TBC1D1: variants seen among roughly 807,000 people sequenced by gnomAD.
TBC1D1 encodes TBC1 (tre-2/USP6, BUB2, cdc16) domain family, member 1.
Under a neutral mutation model 125.6 loss-of-function variants are expected in TBC1D1, and 89 were observed. The ratio of observed to expected loss-of-function variants is 0.71; its 90% CI spans 0.60 to 0.85. The LOEUF is 0.85. TBC1D1 is among the 40% of genes least tolerant of loss of function. The pLI is 0.00. For synonymous variants in TBC1D1, 565 were observed against 564.1 expected (o/e 1.00, Z -0.02); for missense variants, 1,377 against 1,469.2 (o/e 0.94, Z 1.03).
intron 12 of TBC1D1, among the ~76,000 whole-genome samples, chr4:38,070,687 A>G (rs1294520692): frequency 6.6e-6 from 1 of 152,230 alleles, no homozygotes; most frequent in Non-Finnish European, 1.5e-5. Context: ...AAAAAAACAT[A>G]CACATGGAGA....
chr4:38,001,228 A>T (rs577373886), intron 2 of TBC1D1, among the ~76,000 whole-genome samples: 1 of 144,900 alleles, frequency 6.9e-6, no homozygotes, highest in South Asian at 2.1e-4. Flanking sequence ...TCAAAAAAAG[A>T]AAGAAAGAAA....
At chr4:37,920,053 C>G (rs1720612342) in intron 2 of TBC1D1, among the ~76,000 whole-genome samples, 1 of 152,174 alleles carries the variant, frequency 6.6e-6, no homozygotes, top group Non-Finnish European at 1.5e-5. Flanking sequence ...GCGGAGCTTG[C>G]AGTGAGCCGA....
chr4:37,935,880 CT>C (rs1724290452), intron 2 of TBC1D1, among the ~76,000 whole-genome samples: 1 of 152,208 alleles, frequency 6.6e-6, no homozygotes, highest in South Asian at 2.1e-4. Flanking sequence ...CATGTTCTGT[CT>C]TACTTCTAGA....
At chr4:37,960,738 A>G (rs373204780) in intron 2 of TBC1D1, 11 of 1,614,058 alleles carry the variant, frequency 6.8e-6, no homozygotes, top group African/African-American at 2.7e-5. Flanking sequence ...TAAAACAAAA[A>G]GTTCTGTTCC....
chr4:38,074,933 G>A (rs1328444394), intron 12 of TBC1D1, among the ~76,000 whole-genome samples: 1 of 152,024 alleles, frequency 6.6e-6, no homozygotes, highest in Admixed American at 6.6e-5. Context: ...GCTAATTTTT[G>A]TATTTTTAGT....
rs1378698042 is a variant in TBC1D1, at chr4:37,960,074, G to A, written c.418-54435G>A. Among the ~76,000 whole-genome samples the A allele has an allele frequency of 2.0e-5, 3 of 152,138 alleles. 1 individual carries two copies. The highest frequency in any genetic ancestry group is 2.0e-4 in the Admixed American group (3 of 15,272). On this transcript the variant is annotated intron_variant, in intron 2 of 19. Coordinates refer to ENST00000261439, the MANE Select transcript of TBC1D1 (RefSeq NM_015173.4). ...ATTATAAATTAGAAAATGCAATAAC[G>A]GCAGAAACTATTTATTTATTGGTTG... is the stretch of plus-strand genomic sequence containing the variant.
At chr4:37,950,772 T>C (rs1727678152) in intron 2 of TBC1D1, among the ~76,000 whole-genome samples, 1 of 151,802 alleles carries the variant, frequency 6.6e-6, no homozygotes, top group South Asian at 2.1e-4. Context: ...TTTTTTTTTT[T>C]TTTGAGACGG....
chr4:38,085,835 T>TATC (rs1289652723), intron 12 of TBC1D1, among the ~76,000 whole-genome samples: 1 of 152,236 alleles, frequency 6.6e-6, no homozygotes, highest in African/African-American at 2.4e-5. Context: ...TGCCCCGGTT[T>TATC]ATCATTAGAA....
chr4:37,958,637 T>C (rs986705180), intron 2 of TBC1D1, among the ~76,000 whole-genome samples: 1 of 152,202 alleles, frequency 6.6e-6, no homozygotes, highest in African/African-American at 2.4e-5. Flanking sequence ...TTGTCCCTTC[T>C]TTAGGACACA....
intron 2 of TBC1D1, among the ~76,000 whole-genome samples, chr4:37,909,131 T>C (rs1021722117): frequency 6.6e-6 from 1 of 152,194 alleles, no homozygotes; most frequent in Admixed American, 6.5e-5. Context: ...AGTGTATTCT[T>C]GCATGAGGCC....
Position 38,014,939 on chromosome 4 carries a change from C to A in TBC1D1, c.848C>A (p.Thr283Lys). The change falls in exon 3 of 20, where the codon ACA (threonine) becomes AAA (lysine). Residue 283 changes from threonine (T) to lysine (K), a missense_variant. Around this residue, in one of 3 missense-constraint regions of TBC1D1, gnomAD observed 822 missense variants for 824.6 expected, o/e 1.00. Coordinates refer to ENST00000261439, the MANE Select transcript of TBC1D1 (RefSeq NM_015173.4). The surrounding 1 kb of genome is among the most constrained non-coding windows in gnomAD (Gnocchi z 5.1). ...AGCGGACACAATATTGTGCAGCCCA[C>A]AGATATCGAGGAAAATCGAACTATG... The A allele has an allele frequency of 6.4e-7, 1 of 1,559,230 alleles. No homozygotes were observed. The highest frequency in any genetic ancestry group is 1.2e-5 in the South Asian group (1 of 85,450).
chr4:38,129,416 G>A (rs912486715), intron 18 of TBC1D1, among the ~76,000 whole-genome samples: 6 of 152,222 alleles, frequency 3.9e-5, no homozygotes, highest in Admixed American at 6.5e-5. Context: ...TACCACTGGC[G>A]TTGTTGAAAA....
intron 12 of TBC1D1, among the ~76,000 whole-genome samples, chr4:38,065,861 G>A (rs1753640367): frequency 6.6e-6 from 1 of 152,088 alleles, no homozygotes; most frequent in Admixed American, 6.6e-5. Context: ...TGTTGGGCAG[G>A]CTGGTCTCGA....
intron 11 of TBC1D1, among the ~76,000 whole-genome samples, chr4:38,050,195 GA>G (rs1750244774): frequency 6.6e-6 from 1 of 152,170 alleles, no homozygotes; most frequent in African/African-American, 2.4e-5. Flanking sequence ...TTGCTGCTGT[GA>G]GGAAGAGGGC....
chr4:38,133,376 T>C, intron 19 of TBC1D1, 119 bp downstream of exon 21: 1 of 824,128 alleles, frequency 1.2e-6, no homozygotes, highest in East Asian at 2.7e-5. Flanking sequence ...CACCCTGATC[T>C]GTTTATAGTT....
At chr4:37,934,096 A>G (rs1723881217) in intron 2 of TBC1D1, among the ~76,000 whole-genome samples, 1 of 152,204 alleles carries the variant, frequency 6.6e-6, no homozygotes, top group Non-Finnish European at 1.5e-5. Context: ...ACTGGGAGAC[A>G]GCTAATAGGT....
chr4:37,934,972 T>C (rs1035985700), intron 2 of TBC1D1, among the ~76,000 whole-genome samples: 6 of 152,148 alleles, frequency 3.9e-5, no homozygotes, highest in African/African-American at 1.4e-4. Context: ...CTCTGGAACA[T>C]TGCTGCTTGA....
At chr4:38,026,577 T>A (rs946031102) in intron 6 of TBC1D1, among the ~76,000 whole-genome samples, 2 of 152,214 alleles carry the variant, frequency 1.3e-5, no homozygotes, top group Admixed American at 1.3e-4. Context: ...CCTGGTAGGA[T>A]GAGAAGAGAG....
rs192679493 is a variant in TBC1D1 at position 38,039,629 on chromosome 4, G to A, written c.1413+3931G>A. ...TTCTGAGCTGCTTGATTATGAATAA[G>A]GCTGCTGGTAGATACATTGTGCCAG... On this transcript the variant is annotated intron_variant, in intron 8 of 19. Transcript: ENST00000261439. Among the ~76,000 whole-genome samples the A allele has an allele frequency of 2.1e-3, 318 of 152,282 alleles. 3 individuals are homozygous for A. Among genetic ancestry groups the A allele is most frequent in the African/African-American group, 7.3e-3 (305 of 41,552 alleles).
Sources: gnomAD v4.1 joint callset for allele counts (sites outside exome capture counted in the v4.1 genomes callset) on GRCh38, gnomAD v4.1.1 for gene constraint, gnomAD v4.1.1 regional missense constraint, Gnocchi (gnomAD v3.1) non-coding constraint, MANE v1.5 for transcripts, NCBI Gene and HGNC (gene_info 2026-07-23, HGNC 2026-07-21) for gene names.